HMCN1: variants seen among roughly 807,000 people sequenced by gnomAD.
HMCN1 encodes the protein hemicentin-1.
Under a neutral mutation model 625.9 loss-of-function variants are expected in HMCN1, and 321 were observed. The ratio of observed to expected loss-of-function variants is 0.51; its 90% CI spans 0.47 to 0.56. HMCN1 has a LOEUF of 0.56. Among genes scored for constraint, HMCN1 ranks in the 20% least tolerant of loss-of-function variants. The pLI is 0.00. For synonymous variants in HMCN1, 2,425 were observed against 2,417.6 expected, an observed-to-expected ratio of 1.00 and a Z score of -0.09; for missense variants, 6,588 against 6,887.3, an observed-to-expected ratio of 0.96 and a Z score of 1.54.
At chr1:185,981,599 T>C (rs1571658001) in intron 17 of HMCN1, among the ~76,000 whole-genome samples, 1 of 152,200 alleles carries the variant, frequency 6.6e-6, no homozygotes, top group East Asian at 1.9e-4. Flanking sequence ...GCTTAAATTA[T>C]TATAGCATTT....
chr1:185,866,588 A>G (rs1195723230), intron 4 of HMCN1, among the ~76,000 whole-genome samples: 1 of 151,342 alleles, frequency 6.6e-6, no homozygotes, highest in Non-Finnish European at 1.5e-5. Context: ...TTGTATTTTT[A>G]GTAGAGACGG....
At chr1:185,917,802 A>G (rs1310927649) in intron 6 of HMCN1, among the ~76,000 whole-genome samples, 4 of 152,194 alleles carry the variant, frequency 2.6e-5, no homozygotes, top group African/African-American at 7.2e-5. Flanking sequence ...AGAGCTGACC[A>G]GGAAGATCTA....
chr1:185,868,638 T>C (rs1663422025), intron 4 of HMCN1, among the ~76,000 whole-genome samples: 2 of 152,196 alleles, frequency 1.3e-5, no homozygotes, highest in Admixed American at 1.3e-4. Context: ...TGTGAGTCAA[T>C]TAAGCCTCTT....
At chr1:186,124,289 CAA>C (rs1479127979) in intron 81 of HMCN1, among the ~76,000 whole-genome samples, 1 of 151,936 alleles carries the variant, frequency 6.6e-6, no homozygotes, top group Non-Finnish European at 1.5e-5. Context: ...AAAAGTAGGT[CAA>C]AGAGTATTTT....
At chr1:185,993,484 C>T (rs1199142298) in intron 23 of HMCN1, 175 bp downstream of exon 23, 1 of 635,012 alleles carries the variant, frequency 1.6e-6, no homozygotes, top group Non-Finnish European at 2.7e-6. Context: ...AGTCTTCCTG[C>T]TATTTATAAA....
At chr1:185,816,349 G>A (rs1419193257) in intron 1 of HMCN1, among the ~76,000 whole-genome samples, 1 of 152,094 alleles carries the variant, frequency 6.6e-6, no homozygotes, top group South Asian at 2.1e-4. Context: ...TGTACTTTGG[G>A]GATGTTTGTA....
At chr1:186,006,463 T>C (rs1327552928) in intron 29 of HMCN1, among the ~76,000 whole-genome samples, 1 of 152,130 alleles carries the variant, frequency 6.6e-6, no homozygotes, top group Non-Finnish European at 1.5e-5. Flanking sequence ...CTGCTGCCAA[T>C]TACATAAACT....
At chr1:186,058,759 T>C (rs1241498365) in intron 46 of HMCN1, among the ~76,000 whole-genome samples, 6 of 152,032 alleles carry the variant, frequency 3.9e-5, no homozygotes, top group East Asian at 3.9e-4. Flanking sequence ...TTCACCTAAA[T>C]GTGCTCAAAG....
At chr1:185,862,659 C>T (rs550653471) in intron 2 of HMCN1, among the ~76,000 whole-genome samples, 14 of 152,108 alleles carry the variant, frequency 9.2e-5, no homozygotes, top group South Asian at 4.2e-4. Context: ...TTGTTGAGAG[C>T]GGTGTTATTT....
In HMCN1 at chr1:185,888,996, T is replaced by G. The variant is rs1015937887; in HGVS notation, c.622-20341T>G. Among the ~76,000 whole-genome samples the G allele has an allele frequency of 1.5e-3, 223 of 146,616 alleles. 1 individual carries two copies. The highest frequency in any genetic ancestry group is 2.6e-3 in the Non-Finnish European group (174 of 67,984). ...CTCTTTTATTTCCTTGAGCAGCGGTTTGTAGTTCTCCTTGAAGAGGTCCTT... is the reference window on the plus strand; with the variant it reads ...CTCTTTTATTTCCTTGAGCAGCGGTGTGTAGTTCTCCTTGAAGAGGTCCTT... On this transcript the variant is annotated intron_variant, in intron 4 of 106. Transcript: ENST00000271588.
At chr1:185,736,805 G>A (rs994408295) in intron 1 of HMCN1, among the ~76,000 whole-genome samples, 10 of 152,152 alleles carry the variant, frequency 6.6e-5, no homozygotes, top group African/African-American at 2.4e-4. Context: ...AACTTGACAT[G>A]CTAATAACAG....
At chr1:185,832,645 C>T (rs998814598) in intron 1 of HMCN1, among the ~76,000 whole-genome samples, 14 of 152,180 alleles carry the variant, frequency 9.2e-5, no homozygotes, top group African/African-American at 3.4e-4. Flanking sequence ...TGTAAATGTA[C>T]ATCATAAACC....
chr1:186,097,744 A>G (rs1558221431), intron 68 of HMCN1, among the ~76,000 whole-genome samples: 1 of 152,134 alleles, frequency 6.6e-6, no homozygotes, highest in African/African-American at 2.4e-5. Flanking sequence ...CAAATAACCA[A>G]AGCAATCTTG....
chr1:185,892,755 C>T (rs576279121), intron 4 of HMCN1, among the ~76,000 whole-genome samples: 1,972 of 152,074 alleles, frequency 0.013, 40 homozygotes, highest in African/African-American at 0.041. Context: ...AGGTTACTGC[C>T]GTCTTTTTGT....
chr1:185,843,208 C>T (rs1415952721), intron 1 of HMCN1, among the ~76,000 whole-genome samples: 1 of 152,110 alleles, frequency 6.6e-6, no homozygotes, highest in African/African-American at 2.4e-5. Flanking sequence ...TTATTCATCC[C>T]ACTTTCTGTT....
chr1:185,918,180 A>C (rs1177542998), intron 6 of HMCN1, among the ~76,000 whole-genome samples: 1 of 152,188 alleles, frequency 6.6e-6, no homozygotes, highest in Non-Finnish European at 1.5e-5. Flanking sequence ...GACTCAGTCC[A>C]AGTCCAAAAC....
chr1:186,152,074 CTTCT>C (rs1650707168), intron 95 of HMCN1, among the ~76,000 whole-genome samples: 1 of 152,088 alleles, frequency 6.6e-6, no homozygotes, highest in Non-Finnish European at 1.5e-5. Flanking sequence ...AATTAAAGAC[CTTCT>C]TTGTCTTTAA....
At chr1:186,069,025 A>G (rs915987904) in intron 50 of HMCN1, among the ~76,000 whole-genome samples, 1 of 152,202 alleles carries the variant, frequency 6.6e-6, no homozygotes, top group African/African-American at 2.4e-5. Context: ...GAGAGGTTTC[A>G]GTTCCATCAG....
At chr1:185,923,730 C>T in intron 8 of HMCN1, 77 bp downstream of exon 8, 1 of 1,197,830 alleles carries the variant, frequency 8.3e-7, no homozygotes. Context: ...AAATAACGGA[C>T]TATCAAATAA....
Sources: allele counts gnomAD v4.1 joint callset (sites outside exome capture counted in the v4.1 genomes callset), GRCh38; gene constraint gnomAD v4.1.1; transcripts MANE v1.5; gene names NCBI Gene and HGNC (gene_info 2026-07-23, HGNC 2026-07-21).